CACUL1: variants seen among roughly 807,000 people sequenced by gnomAD.
CACUL1 encodes the protein CDK2 associated cullin domain 1, also known as CDK2-associated and cullin domain-containing protein 1.
CACUL1 carries 13 observed loss-of-function variants against 45.2 expected under a neutral mutation model. The ratio of observed to expected loss-of-function variants is 0.29; its 90% CI spans 0.19 to 0.46. The LOEUF is 0.46. Ranked by LOEUF, CACUL1 falls within the 20% of genes least tolerant of loss-of-function variation. CACUL1 has a pLI of 1.00. For synonymous variants in CACUL1, 197 were observed against 174.2 expected, an observed-to-expected ratio of 1.13 and a Z score of -1.03; for missense variants, 421 against 471.4, an observed-to-expected ratio of 0.89 and a Z score of 0.99.
chr10:118,754,223 T>C (rs1309728177), intron 1 of CACUL1, among the ~76,000 whole-genome samples, 173 bp downstream of exon 1: 1 of 148,028 alleles, frequency 6.8e-6, no homozygotes, highest in Admixed American at 6.7e-5. Flanking sequence ...AGACACCAAA[T>C]GAGGGGGAGG....
intron 3 of CACUL1, chr10:118,729,055 C>A: frequency 7.8e-6 from 3 of 384,258 alleles, no homozygotes; most frequent in South Asian, 3.6e-5. Flanking sequence ...ACATGATAAT[C>A]AATAGAATCA....
rs752211712 is a variant in CACUL1, at chr10:118,754,783, G to C, written c.-21C>G. The C allele has an allele frequency of 6.5e-7, 1 of 1,532,998 alleles. No homozygotes were observed. Among genetic ancestry groups the C allele is most frequent in the Admixed American group, 2.1e-5 (1 of 46,882 alleles). 95.0% of individuals were successfully genotyped at this position (1,532,998 alleles called of 1,614,324 possible). A position where few individuals can be genotyped will look rare whatever the true frequency, so the allele number is the denominator to read the frequency against. On this transcript the variant is annotated 5_prime_UTR_variant, in exon 1 of 9. Transcript: ENST00000369151. ...TCCATCCTGCTGGCCCCCGGCACCC[G>C]CCCGCCTCACAGGCACCTGCCGCCT...
chr10:118,729,791 T>C (rs549224576), intron 2 of CACUL1, among the ~76,000 whole-genome samples: 2 of 152,310 alleles, frequency 1.3e-5, no homozygotes, highest in South Asian at 2.1e-4. Context: ...ACGGAAGTGT[T>C]TGCAATACAA....
intron 6 of CACUL1, among the ~76,000 whole-genome samples, chr10:118,694,284 A>C (rs1207232480): frequency 6.6e-6 from 1 of 152,238 alleles, no homozygotes; most frequent in Non-Finnish European, 1.5e-5. Context: ...AATTAAAATA[A>C]CCATTAAACT....
chr10:118,753,474 T>C (rs1845917541), intron 1 of CACUL1, among the ~76,000 whole-genome samples: 1 of 152,250 alleles, frequency 6.6e-6, no homozygotes, highest in South Asian at 2.1e-4. Context: ...GAGAAAAACC[T>C]GGCTGTGATG....
chr10:118,695,454 C>G (rs541153535), intron 5 of CACUL1, among the ~76,000 whole-genome samples: 1 of 152,204 alleles, frequency 6.6e-6, no homozygotes, highest in South Asian at 2.1e-4. Context: ...TGAATCAATT[C>G]ATGAAGGTTC....
chr10:118,677,072 G>A lies in CACUL1; in HGVS notation c.*9056C>T, dbSNP rs188358181. The A allele has an allele frequency of 1.3e-4, 20 of 152,226 alleles. No homozygotes were observed. In the East Asian group the frequency reaches 3.3e-3, roughly 25 times the overall value. The allele number at this position is 152,226 out of a possible 1,614,324, so 9.4% of individuals were successfully genotyped here. A position where few individuals can be genotyped will look rare whatever the true frequency, so the allele number is the denominator to read the frequency against. On this transcript the variant is annotated 3_prime_UTR_variant, in exon 9 of 9. Coordinates refer to ENST00000369151, the MANE Select transcript of CACUL1 (RefSeq NM_153810.5). Reference sequence around the variant, plus strand: ...ATGGTATGATAGGAATCAGTTTAATGTTCTCTAATTATACCAGCACCTTTC... The same window carrying A: ...ATGGTATGATAGGAATCAGTTTAATATTCTCTAATTATACCAGCACCTTTC...
intron 7 of CACUL1, among the ~76,000 whole-genome samples, chr10:118,690,863 T>C (rs1845258516): frequency 6.6e-6 from 1 of 152,150 alleles, no homozygotes; most frequent in Non-Finnish European, 1.5e-5. Context: ...CTGGCCAACA[T>C]GGTGAAACCC....
rs1845116715 is a variant in CACUL1, at chr10:118,678,295, G to A, written c.*7833C>T. ...TAATAAGTACTTACAATCAATGGTA[G>A]CCAAATTACTTATCTACTGATAGTC... On this transcript the variant is annotated 3_prime_UTR_variant, in exon 9 of 9. Coordinates refer to ENST00000369151, the MANE Select transcript of CACUL1 (RefSeq NM_153810.5). 1 of 152,166 alleles carries A rather than the reference G, an allele frequency of 6.6e-6. No individual in the cohort carries two copies. The highest frequency in any genetic ancestry group is 2.4e-5 in the African/African-American group (1 of 41,424). The allele number at this position is 152,166 out of a possible 1,614,324, so 9.4% of individuals were successfully genotyped here. A position where few individuals can be genotyped will look rare whatever the true frequency, so the allele number is the denominator to read the frequency against.
intron 5 of CACUL1, among the ~76,000 whole-genome samples, chr10:118,698,336 G>GT (rs1406672920): frequency 6.6e-6 from 1 of 151,990 alleles, no homozygotes; most frequent in East Asian, 1.9e-4. Context: ...TAGAGACAGG[G>GT]TTTCACCATG....
chr10:118,739,755 G>C (rs1167435600), intron 1 of CACUL1, among the ~76,000 whole-genome samples: 1 of 152,224 alleles, frequency 6.6e-6, no homozygotes, highest in Non-Finnish European at 1.5e-5. Flanking sequence ...AGGACTAACA[G>C]CTTCACAGAC....
rs1027991754 is a variant in CACUL1, at chr10:118,678,483, G to A, written c.*7645C>T. ...GGCCCTTTGCTCTTCCATTTATATCGACGAATCAAATTGTCAGGTTCCACA... is the reference window on the plus strand; with the variant it reads ...GGCCCTTTGCTCTTCCATTTATATCAACGAATCAAATTGTCAGGTTCCACA... On this transcript the variant is annotated 3_prime_UTR_variant, in exon 9 of 9. Coordinates refer to ENST00000369151, the MANE Select transcript of CACUL1 (RefSeq NM_153810.5). 3.9e-5 allele frequency: 6 copies of A among 152,076 alleles called. No individual in the cohort carries two copies. The highest frequency in any genetic ancestry group is 5.9e-5 in the Non-Finnish European group (4 of 68,026). 9.4% of individuals were successfully genotyped at this position (152,076 alleles called of 1,614,324 possible).
rs191263410 is a variant in CACUL1 at position 118,726,239 on chromosome 10, C to T, written c.597+3056G>A. 7.8e-5 allele frequency: 78 copies of T among 1,005,496 alleles called. No homozygotes were observed. In the African/African-American group the frequency reaches 1.2e-3, roughly 15 times the overall value. 62.3% of individuals were successfully genotyped at this position (1,005,496 alleles called of 1,614,324 possible). A position where few individuals can be genotyped will look rare whatever the true frequency, so the allele number is the denominator to read the frequency against. On this transcript the variant is annotated intron_variant, in intron 3 of 8. Transcript: ENST00000369151. ...TCTATAAAATAAAGATTACATCAGGCCACACACATCACACTGAACAAATAA... is the reference window on the plus strand; with the variant it reads ...TCTATAAAATAAAGATTACATCAGGTCACACACATCACACTGAACAAATAA...
intron 2 of CACUL1, 129 bp downstream of exon 2, chr10:118,730,155 G>T: frequency 9.8e-7 from 1 of 1,020,494 alleles, no homozygotes; most frequent in East Asian, 2.4e-5. Flanking sequence ...CCGTAAGTGT[G>T]GAATACATAA....
chr10:118,743,393 T>G (rs754624561), intron 1 of CACUL1, among the ~76,000 whole-genome samples: 1 of 151,848 alleles, frequency 6.6e-6, no homozygotes, highest in Non-Finnish European at 1.5e-5. Flanking sequence ...GCGGAAAACT[T>G]AAGTAAAAAT....
chr10:118,699,157 A>G (rs1324778176), intron 5 of CACUL1, among the ~76,000 whole-genome samples: 1 of 152,244 alleles, frequency 6.6e-6, no homozygotes, highest in East Asian at 1.9e-4. Flanking sequence ...GATCACCCAC[A>G]TAATACAGTT....
At chr10:118,747,376 T>C (rs996215413) in intron 1 of CACUL1, among the ~76,000 whole-genome samples, 1 of 151,972 alleles carries the variant, frequency 6.6e-6, no homozygotes, top group Non-Finnish European at 1.5e-5. Context: ...GTTAAACGTA[T>C]CAGTAATATA....
At chr10:118,687,165 C>T (rs1845215564) in intron 7 of CACUL1, among the ~76,000 whole-genome samples, 1 of 152,160 alleles carries the variant, frequency 6.6e-6, no homozygotes, top group African/African-American at 2.4e-5. Flanking sequence ...TGGCTCTACC[C>T]AGCCCTCTGT....
Position 118,754,754 on chromosome 10 carries a change from T to A in CACUL1, c.9A>T (p.Glu3Asp). ...TGCCCCCCTCCTCCTCTTCCATGCT[T>A]TCCTCCATCCTGCTGGCCCCCGGCA... Reference protein sequence around the residue: MEESMEEEEGGSY... With the variant: MEDSMEEEEGGSY... Residue 3 changes from glutamate (E) to aspartate (D), a missense_variant, in exon 1 of 9, where the codon GAA (glutamate) becomes GAT (aspartate). By Grantham distance (45) the Glu-to-Asp change is conservative (BLOSUM62 2). This residue lies in a region of CACUL1 where 213 missense variants were observed against 173.1 expected (regional missense o/e 1.23). Coordinates refer to ENST00000369151, the MANE Select transcript of CACUL1 (RefSeq NM_153810.5). The A allele has an allele frequency of 6.3e-7, 1 of 1,586,740 alleles. No homozygotes were observed. The highest frequency in any genetic ancestry group is 8.6e-7 in the Non-Finnish European group (1 of 1,168,980).
Sources: allele counts gnomAD v4.1 joint callset (sites outside exome capture counted in the v4.1 genomes callset), GRCh38; gene constraint gnomAD v4.1.1; regional missense constraint gnomAD v4.1.1; transcripts MANE v1.5; gene names NCBI Gene and HGNC (gene_info 2026-07-23, HGNC 2026-07-21).